ROR2: variants seen among roughly 807,000 people sequenced by gnomAD.
ROR2 encodes ROR family WNT receptor 2, also known as tyrosine-protein kinase transmembrane receptor ROR2.
Under a neutral mutation model 74.9 loss-of-function variants are expected in ROR2, and 33 were observed. That is an observed-to-expected ratio of 0.44 (90% CI 0.33 to 0.59). ROR2 has a LOEUF of 0.59. ROR2 is among the 20% of genes least tolerant of loss of function. The probability of loss-of-function intolerance (pLI) is 0.02; values close to 1 mark genes in which losing one functional copy is unlikely to be tolerated. For synonymous variants in ROR2, 586 were observed against 558.7 expected (o/e 1.05, Z -0.69); for missense variants, 1,216 against 1,313.8 (o/e 0.93, Z 1.15).
At chr9:91,784,701 A>T (rs4595189) in intron 1 of ROR2, among the ~76,000 whole-genome samples, 73,583 of 152,128 alleles carry the variant, frequency 0.48, 20,334 homozygotes, top group Non-Finnish European at 0.63. Context: ...CCGAATTTTT[A>T]AAAATCTTTC....
intron 1 of ROR2, among the ~76,000 whole-genome samples, chr9:91,785,741 T>G (rs1826775860): frequency 1.3e-5 from 2 of 152,202 alleles, no homozygotes; most frequent in African/African-American, 4.8e-5. Flanking sequence ...CCTTGAGATC[T>G]GCTGCAGGGC....
intron 1 of ROR2, among the ~76,000 whole-genome samples, chr9:91,938,276 T>C (rs964119923): frequency 1.3e-5 from 2 of 152,134 alleles, no homozygotes; most frequent in Non-Finnish European, 2.9e-5. Flanking sequence ...CTGAACAACA[T>C]AGTGAGACTC....
At chr9:91,819,653 T>A (rs200221538) in intron 1 of ROR2, among the ~76,000 whole-genome samples, 2 of 150,108 alleles carry the variant, frequency 1.3e-5, no homozygotes, top group South Asian at 2.1e-4. Flanking sequence ...CTGTGTTCTC[T>A]GTGTCTGTGT....
At position 91,826,644 on chromosome 9, in the gene ROR2, C is replaced by T. The variant is rs112303800; in HGVS notation, c.98-50826G>A. Reference sequence around the variant, plus strand: ...AAAATACAAAAAGAAATTAGCCGGGCGTGGTGGTGGGAGCCTGTAGTCCCA... The same window carrying T: ...AAAATACAAAAAGAAATTAGCCGGGTGTGGTGGTGGGAGCCTGTAGTCCCA... On this transcript the variant is annotated intron_variant, in intron 1 of 8. Coordinates refer to ENST00000375708, the MANE Select transcript of ROR2 (RefSeq NM_004560.4). Among the ~76,000 whole-genome samples the T allele has an allele frequency of 4.1e-3, 627 of 151,988 alleles. 4 individuals are homozygous for T. Among genetic ancestry groups the T allele is most frequent in the African/African-American group, 0.015 (603 of 41,450 alleles).
At chr9:91,839,467 A>T (rs76456976) in intron 1 of ROR2, among the ~76,000 whole-genome samples, 27,261 of 149,750 alleles carry the variant, frequency 0.18, 4,191 homozygotes, top group African/African-American at 0.43. Context: ...TGTATATGTG[A>T]GGTGTATACG....
intron 3 of ROR2, 131 bp downstream of exon 3, chr9:91,757,141 G>T: frequency 8.4e-7 from 1 of 1,187,634 alleles, no homozygotes. Flanking sequence ...GAAGGCCCTA[G>T]GGAACGGTTT....
At chr9:91,792,599 G>A (rs997649669) in intron 1 of ROR2, among the ~76,000 whole-genome samples, 5 of 152,244 alleles carry the variant, frequency 3.3e-5, no homozygotes, top group Middle Eastern at 3.4e-3. Flanking sequence ...TGAGCCATGC[G>A]CCCAGCCAAG....
chr9:91,857,159 G>A (rs1829317388), intron 1 of ROR2, among the ~76,000 whole-genome samples: 1 of 152,220 alleles, frequency 6.6e-6, no homozygotes, highest in African/African-American at 2.4e-5. Context: ...GTGACCATCG[G>A]GGAGGCCACC....
At chr9:91,870,813 T>C (rs1320367596) in intron 1 of ROR2, among the ~76,000 whole-genome samples, 2 of 152,256 alleles carry the variant, frequency 1.3e-5, no homozygotes, top group African/African-American at 4.8e-5. Flanking sequence ...GTGTGTAGAA[T>C]ATTTTTATAC....
intron 1 of ROR2, among the ~76,000 whole-genome samples, chr9:91,887,438 TACA>T (rs1390209814): frequency 6.6e-6 from 1 of 152,234 alleles, no homozygotes; most frequent in African/African-American, 2.4e-5. Context: ...TCAAGCCTCC[TACA>T]ACTTGTATTT....
At chr9:91,852,624 A>AACACACAC (rs59759515) in intron 1 of ROR2, among the ~76,000 whole-genome samples, 9 of 123,830 alleles carry the variant, frequency 7.3e-5, no homozygotes, top group Non-Finnish European at 1.3e-4. Context: ...AAAACACACA[A>AACACACAC]ACACACACAC....
chr9:91,920,781 G>T lies in ROR2; in HGVS notation c.97+29086C>A, dbSNP rs183441775. Among the ~76,000 whole-genome samples, 14 of 152,336 alleles carry T rather than the reference G, an allele frequency of 9.2e-5. No homozygotes were observed. In the East Asian group the frequency reaches 2.5e-3, roughly 27 times the overall value. ...TATGTTCAGAGGTGACAGAGCTACA[G>T]GCAGAAGAGGCGGAGACCCCACTAT... On this transcript the variant is annotated intron_variant, in intron 1 of 8. Transcript: ENST00000375708.
intron 2 of ROR2, among the ~76,000 whole-genome samples, chr9:91,768,611 CG>C (rs1826131355): frequency 6.6e-6 from 1 of 152,166 alleles, no homozygotes; most frequent in Non-Finnish European, 1.5e-5. Flanking sequence ...GACGCCACCC[CG>C]CTGGGCGCAG....
intron 1 of ROR2, among the ~76,000 whole-genome samples, chr9:91,815,471 T>C (rs982312741): frequency 8.5e-5 from 13 of 152,138 alleles, no homozygotes; most frequent in African/African-American, 2.9e-4. Context: ...AAAGAGAACA[T>C]TAAATGTTCA....
At chr9:91,855,671 T>C (rs1349705490) in intron 1 of ROR2, among the ~76,000 whole-genome samples, 1 of 152,136 alleles carries the variant, frequency 6.6e-6, no homozygotes, top group Non-Finnish European at 1.5e-5. Context: ...GGCTTCCTCC[T>C]CTGGCTGCTG....
chr9:91,811,128 C>T (rs1173391988), intron 1 of ROR2, among the ~76,000 whole-genome samples: 1 of 152,238 alleles, frequency 6.6e-6, no homozygotes, highest in Non-Finnish European at 1.5e-5. Context: ...AAGCAAATGC[C>T]CATACGAATC....
rs572510616 is a variant in ROR2 at position 91,853,200 on chromosome 9, C to T, written c.98-77382G>A. Among the ~76,000 whole-genome samples the T allele has an allele frequency of 1.1e-4, 17 of 152,334 alleles. No homozygotes were observed. The South Asian group carries it at 3.5e-3, about 32-fold the overall frequency. ...CCAGGCCTGAGTCCGGAGACCAAAA[C>T]AGCAGGGCTCCTCCGGGATGGGCCT... On this transcript the variant is annotated intron_variant, in intron 1 of 8. Transcript: ENST00000375708.
At chr9:91,910,561 T>C (rs1402125456) in intron 1 of ROR2, among the ~76,000 whole-genome samples, 1 of 151,688 alleles carries the variant, frequency 6.6e-6, no homozygotes, top group Non-Finnish European at 1.5e-5. Flanking sequence ...TGAAAGAAAA[T>C]ATTTGCAAAT....
intron 1 of ROR2, among the ~76,000 whole-genome samples, chr9:91,927,160 C>T (rs957464139): frequency 5.9e-5 from 9 of 152,132 alleles, no homozygotes; most frequent in African/African-American, 1.7e-4. Flanking sequence ...TTTTTCAGAC[C>T]GTAAGTCTTT....
Sources: gnomAD v4.1 joint callset for allele counts (sites outside exome capture counted in the v4.1 genomes callset) on GRCh38, gnomAD v4.1.1 for gene constraint, MANE v1.5 for transcripts, NCBI Gene and HGNC (gene_info 2026-07-23, HGNC 2026-07-21) for gene names.